ANKRD29: variants seen among roughly 807,000 people sequenced by gnomAD.
ANKRD29 encodes ankyrin repeat domain 29, also known as ankyrin repeat domain-containing protein 29.
In ANKRD29, 32 loss-of-function variants were observed where a neutral mutation model predicts 38.0. The observed-to-expected ratio is 0.84, with a 90% CI of 0.64 to 1.13. ANKRD29 has a LOEUF of 1.13. ANKRD29 is among the 50% of genes most tolerant of loss of function. ANKRD29 has a pLI of 0.00. For missense variants in ANKRD29, 357 were observed against 377.9 expected (o/e 0.94, Z 0.46); for synonymous variants, 135 against 152.4 (o/e 0.89, Z 0.84).
At chr18:23,648,745 A>C in intron 2 of ANKRD29, 1 of 407,420 alleles carries the variant, frequency 2.5e-6, no homozygotes. Flanking sequence ...TTGTGCTCTA[A>C]ATTATCTCCA....
In ANKRD29 at chr18:23,599,281, T is replaced by C. The variant is rs2059486687; in HGVS notation, c.*1945A>G. The C allele has an allele frequency of 6.6e-6, 1 of 152,240 alleles. No individual in the cohort carries two copies. Among genetic ancestry groups the C allele is most frequent in the Admixed American group, 6.5e-5 (1 of 15,292 alleles). The allele number at this position is 152,240 out of a possible 1,614,324, so 9.4% of individuals were successfully genotyped here. Reference sequence around the variant, plus strand: ...AAGAAGGCCTCCATATTGTTCAAGCTACTGGCTTCAATTTTATGGCTCTAA... The same window carrying C: ...AAGAAGGCCTCCATATTGTTCAAGCCACTGGCTTCAATTTTATGGCTCTAA... On this transcript the variant is annotated 3_prime_UTR_variant, in exon 10 of 10. Transcript: ENST00000592179.
intron 9 of ANKRD29, among the ~76,000 whole-genome samples, chr18:23,603,662 C>G (rs1051119930): frequency 1.3e-5 from 2 of 151,996 alleles, no homozygotes; most frequent in African/African-American, 4.8e-5. Flanking sequence ...AAAACTGATC[C>G]ATCAGAAAAG....
In ANKRD29 at chr18:23,646,185, C is replaced by CT. The variant is rs1437886586; in HGVS notation, c.231+3dup. 1.9e-6 allele frequency: 3 copies of CT among 1,613,838 alleles called. No individual in the cohort carries two copies. Among genetic ancestry groups the CT allele is most frequent in the Non-Finnish European group, 2.5e-6 (3 of 1,179,952 alleles). On this transcript the variant is annotated splice_donor_region_variant and intron_variant, in intron 3 of 9. Transcript: ENST00000592179. ...TTTTTCTTCAAGTGCAAAGCCTGAC[C>CT]TACCTCTCTCTGGAGATTGATGTCT... is the stretch of plus-strand genomic sequence containing the variant.
At chr18:23,605,860 G>C (rs999729031) in intron 9 of ANKRD29, among the ~76,000 whole-genome samples, 2 of 152,054 alleles carry the variant, frequency 1.3e-5, no homozygotes, top group African/African-American at 4.8e-5. Context: ...TGTATAGGAA[G>C]AGCCAAAATT....
At chr18:23,617,649 C>A in intron 8 of ANKRD29, 83 bp downstream of exon 8, 1 of 1,155,594 alleles carries the variant, frequency 8.7e-7, no homozygotes, top group Admixed American at 1.9e-5. Flanking sequence ...CTAACTGCAC[C>A]CAAATTCGAC....
chr18:23,600,270 T>C lies in ANKRD29; in HGVS notation c.*956A>G, dbSNP rs760500255. On this transcript the variant is annotated 3_prime_UTR_variant, in exon 10 of 10. Transcript: ENST00000592179. ...AACAGTCTTTTATTATTTATATTCC[T>C]GCAATAGTAATAGCAACATACTGTA... is the stretch of plus-strand genomic sequence containing the variant. 14 of 152,298 alleles carry C rather than the reference T, an allele frequency of 9.2e-5. No individual in the cohort carries two copies. The highest frequency in any genetic ancestry group is 1.5e-4 in the Non-Finnish European group (10 of 68,048). 9.4% of individuals were successfully genotyped at this position (152,298 alleles called of 1,614,324 possible).
chr18:23,611,294 A>G (rs891287641), intron 9 of ANKRD29, among the ~76,000 whole-genome samples: 1 of 152,170 alleles, frequency 6.6e-6, no homozygotes, highest in Non-Finnish European at 1.5e-5. Context: ...GAATTTTGGC[A>G]TTTTTAGGGT....
intron 8 of ANKRD29, among the ~76,000 whole-genome samples, chr18:23,613,586 TATTTTTACTTTACA>T (rs1379202398): frequency 6.6e-6 from 1 of 151,790 alleles, no homozygotes; most frequent in Non-Finnish European, 1.5e-5. Context: ...ATAGATGGTT[TATTTTTACTTTACA>T]ATTTTTTTTT....
At chr18:23,628,325 T>C (rs1371483685) in intron 6 of ANKRD29, among the ~76,000 whole-genome samples, 3 of 152,204 alleles carry the variant, frequency 2.0e-5, no homozygotes, top group African/African-American at 7.2e-5. Context: ...AGGCTCCTTA[T>C]GTGCTTGGGC....
intron 9 of ANKRD29, among the ~76,000 whole-genome samples, chr18:23,608,392 A>G (rs1244075916): frequency 6.6e-6 from 1 of 152,174 alleles, no homozygotes; most frequent in African/African-American, 2.4e-5. Flanking sequence ...CTGCAGTATG[A>G]AGGTCCAACA....
intron 1 of ANKRD29, among the ~76,000 whole-genome samples, chr18:23,661,725 A>G (rs1298117737): frequency 6.6e-6 from 1 of 152,198 alleles, no homozygotes; most frequent in Non-Finnish European, 1.5e-5. Flanking sequence ...AAAAAACTTT[A>G]AAGTCATTCA....
At chr18:23,609,675 A>T (rs937595759) in intron 9 of ANKRD29, among the ~76,000 whole-genome samples, 1 of 152,222 alleles carries the variant, frequency 6.6e-6, no homozygotes, top group Admixed American at 6.5e-5. Flanking sequence ...TAGGAGACAC[A>T]CAAGGAATTG....
intron 2 of ANKRD29, chr18:23,648,683 G>T (rs1652373): frequency 0.5 from 194,557 of 388,106 alleles, 54,558 homozygotes; most frequent in Non-Finnish European, 0.6. Context: ...TTCAATTTTT[G>T]TTTTCTCATC....
chr18:23,638,751 A>T, intron 4 of ANKRD29, 98 bp downstream of exon 4: 2 of 991,796 alleles, frequency 2.0e-6, no homozygotes, highest in Non-Finnish European at 2.9e-6. Context: ...ATCTTGTAAA[A>T]AGGGAAACAT....
At chr18:23,620,848 A>G (rs1599086573) in intron 6 of ANKRD29, among the ~76,000 whole-genome samples, 8 of 152,256 alleles carry the variant, frequency 5.3e-5, no homozygotes, top group Admixed American at 5.2e-4. Context: ...CCGTCTGCCT[A>G]TGGGAAATCA....
At chr18:23,656,546 A>G (rs1484510878) in intron 1 of ANKRD29, among the ~76,000 whole-genome samples, 1 of 152,192 alleles carries the variant, frequency 6.6e-6, no homozygotes, top group South Asian at 2.1e-4. Context: ...TTAACTGCTA[A>G]ATTTGGTATT....
chr18:23,640,146 G>A (rs963770740), intron 3 of ANKRD29, among the ~76,000 whole-genome samples: 1 of 152,062 alleles, frequency 6.6e-6, no homozygotes, highest in African/African-American at 2.4e-5. Context: ...CCCAGAGAGA[G>A]GCCAATGTGA....
chr18:23,655,826 G>A (rs894854054), intron 1 of ANKRD29, among the ~76,000 whole-genome samples: 9 of 140,980 alleles, frequency 6.4e-5, no homozygotes, highest in East Asian at 2.6e-4. Context: ...GGGCGCGGTG[G>A]CTCACGCCTG....
At chr18:23,661,275 C>T (rs2060356796) in intron 1 of ANKRD29, among the ~76,000 whole-genome samples, 1 of 152,228 alleles carries the variant, frequency 6.6e-6, no homozygotes, top group South Asian at 2.1e-4. Context: ...CCCAGACTTG[C>T]CTCCTGGGAT....
Sources: gnomAD v4.1 joint callset for allele counts (sites outside exome capture counted in the v4.1 genomes callset) on GRCh38, gnomAD v4.1.1 for gene constraint, MANE v1.5 for transcripts, NCBI Gene and HGNC (gene_info 2026-07-23, HGNC 2026-07-21) for gene names.